Variants in NLN observed in about 807,000 individuals in gnomAD.
NLN encodes the protein neurolysin, mitochondrial.
NLN carries 64 observed loss-of-function variants against 79.9 expected under a neutral mutation model. The observed-to-expected ratio is 0.80, with a 90% CI of 0.65 to 0.99. The LOEUF is 0.99. NLN is among the 50% of genes least tolerant of loss of function. The probability of loss-of-function intolerance (pLI) is 0.00; values close to 1 mark genes in which losing one functional copy is unlikely to be tolerated. For missense variants in NLN, 835 were observed against 858.7 expected (o/e 0.97, Z 0.34); for synonymous variants, 267 against 296.6 (o/e 0.90, Z 1.02).
chr5:65,776,524 T>C (rs558025130), intron 3 of NLN, among the ~76,000 whole-genome samples: 2 of 152,320 alleles, frequency 1.3e-5, no homozygotes, highest in African/African-American at 4.8e-5. Context: ...ATAGAAGGCC[T>C]ATAAGGCTTT....
At chr5:65,749,454 GGCAGT>G (rs1316423486) in intron 1 of NLN, among the ~76,000 whole-genome samples, 4 of 152,202 alleles carry the variant, frequency 2.6e-5, no homozygotes, top group Non-Finnish European at 5.9e-5. Context: ...TCATGGGAGA[GGCAGT>G]GCATTCACCA....
intron 1 of NLN, among the ~76,000 whole-genome samples, chr5:65,738,364 G>T (rs994900202): frequency 6.6e-6 from 1 of 151,988 alleles, no homozygotes; most frequent in African/African-American, 2.4e-5. Flanking sequence ...CAGGAGGATT[G>T]CAGGAGCCCA....
intron 9 of NLN, among the ~76,000 whole-genome samples, chr5:65,796,546 A>G (rs1467328354): frequency 6.6e-6 from 1 of 152,230 alleles, no homozygotes; most frequent in East Asian, 1.9e-4. Context: ...CTGATGAATA[A>G]TGTGTTGGTA....
chr5:65,747,005 GAA>G (rs1029025334), intron 1 of NLN, among the ~76,000 whole-genome samples: 11 of 101,556 alleles, frequency 1.1e-4, no homozygotes, highest in Admixed American at 1.1e-4. Context: ...TTCTGTCTCA[GAA>G]AAAAAAAAAA....
intron 1 of NLN, among the ~76,000 whole-genome samples, chr5:65,747,798 C>T (rs1759016856): frequency 6.6e-6 from 1 of 152,214 alleles, no homozygotes; most frequent in African/African-American, 2.4e-5. Flanking sequence ...GGAGTCTTGT[C>T]ACCCAAAGCA....
chr5:65,783,890 CCATTT>C, intron 6 of NLN, among the ~76,000 whole-genome samples: 1 of 151,980 alleles, frequency 6.6e-6, no homozygotes, highest in Non-Finnish European at 1.5e-5. Context: ...TCTATGTTTT[CCATTT>C]TAGTTTTAAA....
rs558743505 is a variant in NLN at position 65,810,995 on chromosome 5, A to AT, written c.1843+833dup. Among the ~76,000 whole-genome samples the AT allele has an allele frequency of 7.9e-5, 12 of 152,196 alleles. No individual in the cohort carries two copies. The South Asian group carries it at 2.3e-3, about 29-fold the overall frequency. The stretch of plus-strand genomic sequence containing the variant: ...CCCTGTCTCAAAAAAAATAAAGGGT[A>AT]TTTGGGGGGAGAAGCATGAACTTCA... On this transcript the variant is annotated intron_variant, in intron 11 of 12. Transcript: ENST00000380985.
chr5:65,772,042 A>G (rs1160848655), intron 3 of NLN, among the ~76,000 whole-genome samples: 1 of 151,530 alleles, frequency 6.6e-6, no homozygotes, highest in African/African-American at 2.4e-5. Context: ...TTTTTGAAAT[A>G]TGTAAGTGTA....
chr5:65,777,994 G>A (rs1759718790), intron 4 of NLN, among the ~76,000 whole-genome samples: 1 of 152,156 alleles, frequency 6.6e-6, no homozygotes, highest in Admixed American at 6.5e-5. Context: ...TTTCATGTGT[G>A]TTGAGCTTAT....
At chr5:65,780,134 G>T in intron 4 of NLN, 45 bp from the exon 5 acceptor site, 1 of 822,190 alleles carries the variant, frequency 1.2e-6, no homozygotes. Context: ...CAAAAAATGA[G>T]TTTCTTTTTA....
At chr5:65,822,744 A>C (rs369481268) in intron 12 of NLN, 37 bp from the exon 13 acceptor site, 5 of 1,556,396 alleles carry the variant, frequency 3.2e-6, no homozygotes, top group Non-Finnish European at 4.4e-6. Flanking sequence ...AATTGCTAGA[A>C]CCATGAATTA....
At chr5:65,760,591 C>A (rs1480964348) in intron 2 of NLN, among the ~76,000 whole-genome samples, 1 of 152,228 alleles carries the variant, frequency 6.6e-6, no homozygotes, top group Non-Finnish European at 1.5e-5. Context: ...TAGCTCACTG[C>A]AGCCTCGAAC....
chr5:65,738,280 C>G (rs1210988759), intron 1 of NLN, among the ~76,000 whole-genome samples: 1 of 151,234 alleles, frequency 6.6e-6, no homozygotes, highest in Non-Finnish European at 1.5e-5. Flanking sequence ...ATATTACTTC[C>G]AGGATAAAAA....
intron 1 of NLN, chr5:65,733,617 T>C (rs1758661584): frequency 6.7e-7 from 1 of 1,497,924 alleles, no homozygotes; most frequent in Admixed American, 1.7e-5. Flanking sequence ...CTGTGGCTCA[T>C]GGCCATCTGA....
Position 65,780,408 on chromosome 5 carries a change from C to T in NLN, c.661+127C>T, listed in dbSNP as rs1036267447. 31 of 535,176 alleles carry T rather than the reference C, an allele frequency of 5.8e-5. No homozygotes were observed. In the African/African-American group the frequency reaches 5.8e-4, roughly 10 times the overall value. 33.2% of individuals were successfully genotyped at this position (535,176 alleles called of 1,614,324 possible). A position where few individuals can be genotyped will look rare whatever the true frequency, so the allele number is the denominator to read the frequency against. On this transcript the variant is annotated intron_variant, in intron 5 of 12. Coordinates refer to ENST00000380985, the MANE Select transcript of NLN (RefSeq NM_020726.5). Reference sequence around the variant, plus strand: ...TTCAAATAATTATTTAAAAAATGATCCAGTACCTAAGTCCACCACCCCTTC... The same window carrying T: ...TTCAAATAATTATTTAAAAAATGATTCAGTACCTAAGTCCACCACCCCTTC...
rs1170540475 is a variant in NLN at position 65,722,231 on chromosome 5, T to C, written c.-143T>C. The C allele has an allele frequency of 1.6e-5, 7 of 449,480 alleles. No homozygotes were observed. The South Asian group carries it at 2.0e-4, about 13-fold the overall frequency. 27.8% of individuals were successfully genotyped at this position (449,480 alleles called of 1,614,324 possible). A position where few individuals can be genotyped will look rare whatever the true frequency, so the allele number is the denominator to read the frequency against. On this transcript the variant is annotated 5_prime_UTR_variant, in exon 1 of 13. Coordinates refer to ENST00000380985, the MANE Select transcript of NLN (RefSeq NM_020726.5). ...GGCGCCGGCGTGGAGCTGCCGCACG[T>C]GGGAGGGCGCTGGCCAGGCAGCCAC...
chr5:65,751,959 G>T (rs1759111958), intron 1 of NLN, among the ~76,000 whole-genome samples: 1 of 152,150 alleles, frequency 6.6e-6, no homozygotes. Flanking sequence ...CACAGTGTTG[G>T]CCTGGTGCAG....
chr5:65,781,882 G>T (rs1759807206), intron 6 of NLN, among the ~76,000 whole-genome samples: 1 of 152,232 alleles, frequency 6.6e-6, no homozygotes, highest in South Asian at 2.1e-4. Context: ...CAAAGACCAG[G>T]ATCTCTGGGT....
intron 3 of NLN, among the ~76,000 whole-genome samples, chr5:65,772,251 T>C (rs543313047): frequency 1.1e-4 from 16 of 152,354 alleles, no homozygotes; most frequent in African/African-American, 3.6e-4. Context: ...TATTAATATG[T>C]CTTTCTTTTC....
Sources: allele counts gnomAD v4.1 joint callset (sites outside exome capture counted in the v4.1 genomes callset), GRCh38; gene constraint gnomAD v4.1.1; transcripts MANE v1.5; gene names NCBI Gene and HGNC (gene_info 2026-07-23, HGNC 2026-07-21).